Variants in INSYN1 observed in about 807,000 individuals in gnomAD.
INSYN1 encodes inhibitory synaptic factor 1, also known as UPF0583 protein C15orf59.
A neutral mutation model predicts 17.1 loss-of-function variants in INSYN1; 7 were observed. The ratio of observed to expected loss-of-function variants is 0.41; its 90% CI spans 0.23 to 0.77. INSYN1 has a LOEUF of 0.77. Among genes scored for constraint, INSYN1 ranks in the 30% least tolerant of loss-of-function variants. INSYN1 has a pLI of 0.32. For missense variants in INSYN1, 339 were observed against 400.6 expected, an observed-to-expected ratio of 0.85 and a Z score of 1.31; for synonymous variants, 174 against 166.3, an observed-to-expected ratio of 1.05 and a Z score of -0.36.
At chr15:73,742,506 C>G (rs986903784) in intron 2 of INSYN1, among the ~76,000 whole-genome samples, 3 of 152,158 alleles carry the variant, frequency 2.0e-5, no homozygotes, top group African/African-American at 7.2e-5. Flanking sequence ...TGCTCACCTC[C>G]ACCCATGAGA....
intron 2 of INSYN1, among the ~76,000 whole-genome samples, chr15:73,750,771 G>A (rs925159581): frequency 4.6e-5 from 7 of 152,142 alleles, no homozygotes; most frequent in African/African-American, 1.4e-4. Context: ...CTACAACACC[G>A]AGGCCCCTCC....
intron 2 of INSYN1, among the ~76,000 whole-genome samples, chr15:73,742,911 C>A (rs1264531407): frequency 6.6e-6 from 1 of 152,198 alleles, no homozygotes; most frequent in Non-Finnish European, 1.5e-5. Flanking sequence ...ACCTAGTGTG[C>A]CTCCAGGTGC....
Position 73,751,250 on chromosome 15 carries a change from AC to A in INSYN1, c.-121del, listed in dbSNP as rs778844179. ...CCACATTTTAACGGCCCCCCAGCCC[AC>A]CCTGGCCCTGGGCGGCCCTCAACCA... On this transcript the variant is annotated 5_prime_UTR_variant, in exon 2 of 3. Transcript: ENST00000569673. 23 of 1,277,510 alleles carry A rather than the reference AC, an allele frequency of 1.8e-5. No homozygotes were observed. Among genetic ancestry groups the A allele is most frequent in the Non-Finnish European group, 2.2e-5 (20 of 928,962 alleles). The allele number at this position is 1,277,510 out of a possible 1,614,324, so 79.1% of individuals were successfully genotyped here. A position where few individuals can be genotyped will look rare whatever the true frequency, so the allele number is the denominator to read the frequency against.
In INSYN1 at chr15:73,735,562, A is replaced by C. The variant is rs555864055; in HGVS notation, c.*4355T>G. The C allele has an allele frequency of 6.6e-6, 1 of 151,560 alleles. No homozygotes were observed. The highest frequency in any genetic ancestry group is 1.5e-5 in the Non-Finnish European group (1 of 68,020). The allele number at this position is 151,560 out of a possible 1,614,324, so 9.4% of individuals were successfully genotyped here. On this transcript the variant is annotated 3_prime_UTR_variant, in exon 3 of 3. Coordinates refer to ENST00000569673, the MANE Select transcript of INSYN1 (RefSeq NM_001039614.3). ...CAGTAACTAAGTTCTCCAAAGACTG[A>C]GGCATGTTCACATGTTTCCTCACCC... is the stretch of plus-strand genomic sequence containing the variant.
At chr15:73,742,216 G>A (rs1016608943) in intron 2 of INSYN1, among the ~76,000 whole-genome samples, 1 of 152,196 alleles carries the variant, frequency 6.6e-6, no homozygotes, top group Non-Finnish European at 1.5e-5. Flanking sequence ...GCCTCCAGAA[G>A]AGCTGGAGGA....
intron 2 of INSYN1, among the ~76,000 whole-genome samples, chr15:73,750,156 T>C (rs751033): frequency 0.29 from 44,538 of 152,156 alleles, 7,068 homozygotes; most frequent in Non-Finnish European, 0.36. Context: ...CTCAGAACGC[T>C]GGTCATGCAT....
intron 2 of INSYN1, among the ~76,000 whole-genome samples, chr15:73,748,440 G>A (rs1901895439): frequency 6.6e-6 from 1 of 152,126 alleles, no homozygotes; most frequent in South Asian, 2.1e-4. Context: ...CTAAGTGCTT[G>A]GCCTGAGACA....
intron 2 of INSYN1, among the ~76,000 whole-genome samples, chr15:73,741,440 G>C (rs770735260): frequency 1.3e-5 from 2 of 152,222 alleles, no homozygotes. Context: ...AGCTGTGGAG[G>C]TCACTCCACC....
intron 2 of INSYN1, among the ~76,000 whole-genome samples, chr15:73,743,828 CAAAAAAAAAAAA>C (rs71434209): frequency 0.011 from 235 of 21,290 alleles, 4 homozygotes; most frequent in Middle Eastern, 0.1. Context: ...GACTCTGTCT[CAAAAAAAAAAAA>C]AAAAAAAAAA....
intron 2 of INSYN1, among the ~76,000 whole-genome samples, chr15:73,750,712 T>G (rs1028778047): frequency 5.9e-5 from 9 of 152,130 alleles, no homozygotes; most frequent in Admixed American, 1.3e-4. Flanking sequence ...GGCAGCCCTT[T>G]GTGCTAACCC....
At chr15:73,748,845 G>A (rs975151577) in intron 2 of INSYN1, among the ~76,000 whole-genome samples, 1 of 152,176 alleles carries the variant, frequency 6.6e-6, no homozygotes, top group South Asian at 2.1e-4. Context: ...CCTGGGGGAC[G>A]AGAGAGTTCT....
intron 2 of INSYN1, among the ~76,000 whole-genome samples, chr15:73,744,859 G>C (rs534132352): frequency 6.6e-6 from 1 of 152,138 alleles, no homozygotes; most frequent in East Asian, 1.9e-4. Flanking sequence ...TTTGCCGAGG[G>C]GGGCAATGAG....
chr15:73,739,860 TA>T lies in INSYN1; in HGVS notation c.*56del, dbSNP rs1282461326. On this transcript the variant is annotated 3_prime_UTR_variant, in exon 3 of 3. Transcript: ENST00000569673. Reference sequence around the variant, plus strand: ...TTAAATATATATATATATATATATATATATATATTTATTTATAGCTCTATGT... The same window carrying T: ...TTAAATATATATATATATATATATATTATATATTTATTTATAGCTCTATGT... 9 of 285,318 alleles carry T rather than the reference TA, an allele frequency of 3.2e-5. No homozygotes were observed. The highest frequency in any genetic ancestry group is 1.4e-4 in the East Asian group (2 of 14,592). The allele number at this position is 285,318 out of a possible 1,614,324, so 17.7% of individuals were successfully genotyped here.
Position 73,753,141 on chromosome 15 carries a change from C to T in INSYN1, c.-1599G>A, listed in dbSNP as rs1902038499. ...GGCGCCGGGTCGGGGCTGGGCCTCC[C>T]TTCACCGCCTCGCCCTGCCCTGCCC... On this transcript the variant is annotated 5_prime_UTR_variant, in exon 1 of 3. Coordinates refer to ENST00000569673, the MANE Select transcript of INSYN1 (RefSeq NM_001039614.3). The surrounding 1 kb of genome is among the most constrained non-coding windows in gnomAD (Gnocchi z 4.2). Among the ~76,000 whole-genome samples, 2 of 147,658 alleles carry T rather than the reference C, an allele frequency of 1.4e-5. No individual in the cohort carries two copies. The highest frequency in any genetic ancestry group is 6.7e-5 in the Admixed American group (1 of 14,904).
intron 2 of INSYN1, among the ~76,000 whole-genome samples, chr15:73,747,566 G>A (rs1022859603): frequency 5.3e-5 from 8 of 152,224 alleles, no homozygotes; most frequent in African/African-American, 1.9e-4. Context: ...TGGGGCAGGG[G>A]TAGGGGAGGA....
intron 2 of INSYN1, among the ~76,000 whole-genome samples, chr15:73,749,507 C>A (rs1465658397): frequency 6.6e-6 from 1 of 152,186 alleles, no homozygotes; most frequent in Non-Finnish European, 1.5e-5. Context: ...TGGGTACCTG[C>A]CGGGGCATAG....
chr15:73,750,736 C>T (rs1384950280), intron 2 of INSYN1, among the ~76,000 whole-genome samples: 1 of 152,158 alleles, frequency 6.6e-6, no homozygotes, highest in Non-Finnish European at 1.5e-5. Context: ...GCTCCAGGCC[C>T]ACTGACATGC....
rs1347940802 is a variant in INSYN1, at chr15:73,751,031, C to T, written c.100G>A (p.Gly34Arg). Residue 34 changes from glycine to arginine, a missense_variant, in exon 2 of 3, where the codon GGG becomes AGG. Coordinates refer to ENST00000569673, the MANE Select transcript of INSYN1 (RefSeq NM_001039614.3). ...RIRQRMKMVI[G>R]QLEGILRELK... is the part of the protein sequence containing the mutation. ...TCGCGAAGGATGCCCTCAAGCTGCC[C>T]GATGACCATCTTCATGCGCTGTCGA... The T allele has an allele frequency of 2.5e-6, 4 of 1,614,092 alleles. No individual in the cohort carries two copies. Among genetic ancestry groups the T allele is most frequent in the African/African-American group, 1.3e-5 (1 of 75,040 alleles).
chr15:73,746,610 C>T lies in INSYN1; in HGVS notation c.156+4365G>A, dbSNP rs75251363. On this transcript the variant is annotated intron_variant, in intron 2 of 2. Transcript: ENST00000569673. The stretch of plus-strand genomic sequence containing the variant: ...GGCAAATCCGGTGGGGGATCCTCCA[C>T]TGCCACCCAAGGCTGGGGAAACGTT... Among the ~76,000 whole-genome samples, 1,031 of 152,324 alleles carry T rather than the reference C, an allele frequency of 6.8e-3. 16 individuals are homozygous for T. Among genetic ancestry groups the T allele is most frequent in the African/African-American group, 0.023 (967 of 41,568 alleles).
Sources: allele counts gnomAD v4.1 joint callset (sites outside exome capture counted in the v4.1 genomes callset), GRCh38; gene constraint gnomAD v4.1.1; non-coding constraint Gnocchi (gnomAD v3.1); transcripts MANE v1.5; gene names NCBI Gene and HGNC (gene_info 2026-07-23, HGNC 2026-07-21).